Variants in DIAPH3 observed in about 807,000 individuals in gnomAD.
The protein encoded by DIAPH3 is protein diaphanous homolog 3.
Under a neutral mutation model 144.3 loss-of-function variants are expected in DIAPH3, and 117 were observed. The observed-to-expected ratio is 0.81, with a 90% CI of 0.70 to 0.95. The LOEUF (loss-of-function observed/expected upper bound fraction) is 0.95, where lower values mean the gene tolerates loss of function less well. Among genes scored for constraint, DIAPH3 ranks in the 40% least tolerant of loss-of-function variants. The pLI is 0.00. For missense variants in DIAPH3, 1,421 were observed against 1,412.7 expected (o/e 1.01, Z -0.09); for synonymous variants, 519 against 488.9 (o/e 1.06, Z -0.81).
intron 23 of DIAPH3, among the ~76,000 whole-genome samples, chr13:59,836,850 T>TA (rs2042067360): frequency 6.6e-6 from 1 of 151,736 alleles, no homozygotes; most frequent in South Asian, 2.1e-4. Flanking sequence ...AAGTGGTTAA[T>TA]AACAAACTTT....
chr13:59,680,265 A>C (rs1368249188), intron 27 of DIAPH3, among the ~76,000 whole-genome samples: 2 of 152,164 alleles, frequency 1.3e-5, no homozygotes, highest in African/African-American at 4.8e-5. Flanking sequence ...CAGGATTTTA[A>C]AAATATTTCA....
chr13:60,105,532 G>T (rs73203942), intron 3 of DIAPH3, among the ~76,000 whole-genome samples: 1 of 152,056 alleles, frequency 6.6e-6, no homozygotes, highest in African/African-American at 2.4e-5. Context: ...CACAACCCAT[G>T]AATCAACTTG....
chr13:59,948,180 G>A (rs1246517967), intron 17 of DIAPH3, among the ~76,000 whole-genome samples: 2 of 152,136 alleles, frequency 1.3e-5, no homozygotes, highest in Non-Finnish European at 2.9e-5. Context: ...CAACCAGGTA[G>A]TCTGATTCCA....
At chr13:59,737,848 T>C (rs1282782879) in intron 27 of DIAPH3, among the ~76,000 whole-genome samples, 1 of 152,140 alleles carries the variant, frequency 6.6e-6, no homozygotes, top group African/African-American at 2.4e-5. Flanking sequence ...CTCAGAAATA[T>C]ACAAGGCCTA....
At chr13:60,028,871 C>T (rs914209828) in intron 5 of DIAPH3, among the ~76,000 whole-genome samples, 1 of 151,974 alleles carries the variant, frequency 6.6e-6, no homozygotes, top group Non-Finnish European at 1.5e-5. Context: ...CCATCCTGGC[C>T]AACATGGTGA....
At position 59,968,029 on chromosome 13, in the gene DIAPH3, G is replaced by C. The variant is rs138578454; in HGVS notation, c.2074+1915C>G. 1.2e-4 allele frequency among the ~76,000 whole-genome samples: 18 copies of C among 152,330 alleles called. 1 individual carries two copies. The East Asian group carries it at 3.3e-3, about 28-fold the overall frequency. ...GACCAGCAGTACAAAGGCAGAGAGA[G>C]ATGGAAATATGGAGTATGCAAAAAA... On this transcript the variant is annotated intron_variant, in intron 17 of 27. Transcript: ENST00000400324.
At chr13:59,963,807 C>A (rs2140514119) in intron 17 of DIAPH3, among the ~76,000 whole-genome samples, 1 of 152,358 alleles carries the variant, frequency 6.6e-6, no homozygotes, top group African/African-American at 2.4e-5. Flanking sequence ...ATCCTCCTGT[C>A]TTGGCCTCCC....
intron 27 of DIAPH3, among the ~76,000 whole-genome samples, chr13:59,745,233 T>C (rs1379430703): frequency 6.6e-6 from 1 of 152,170 alleles, no homozygotes; most frequent in Non-Finnish European, 1.5e-5. Context: ...GGAGATGGAC[T>C]AAAAAACAAC....
At chr13:60,137,303 G>T (rs932858593) in intron 1 of DIAPH3, among the ~76,000 whole-genome samples, 1 of 152,214 alleles carries the variant, frequency 6.6e-6, no homozygotes, top group Non-Finnish European at 1.5e-5. Context: ...TTTAAGCAAT[G>T]CATCAAAACT....
At chr13:60,147,321 G>A (rs1278174266) in intron 1 of DIAPH3, 2 of 152,108 alleles carry the variant, frequency 1.3e-5, no homozygotes, top group Non-Finnish European at 2.9e-5. Context: ...TTAAGTATAG[G>A]AGATTGGGAC....
At chr13:59,983,422 T>C (rs902585364) in intron 13 of DIAPH3, among the ~76,000 whole-genome samples, 6 of 151,702 alleles carry the variant, frequency 4.0e-5, no homozygotes, top group South Asian at 4.1e-4. Context: ...CAGGCTTTAA[T>C]AAAGTTAACA....
At chr13:59,771,965 CTT>C (rs1435176822) in intron 27 of DIAPH3, among the ~76,000 whole-genome samples, 2 of 151,720 alleles carry the variant, frequency 1.3e-5, no homozygotes, top group Admixed American at 6.6e-5. Flanking sequence ...TGTAGAAAAT[CTT>C]TTAAATCTTT....
chr13:59,944,794 A>AGGG (rs36116687), intron 17 of DIAPH3, among the ~76,000 whole-genome samples: 2,175 of 148,020 alleles, frequency 0.015, 39 homozygotes, highest in Middle Eastern at 0.032. Flanking sequence ...TTAGAAAAAA[A>AGGG]GGGGGGGGGC....
chr13:60,106,905 T>C (rs1192199676), intron 3 of DIAPH3, among the ~76,000 whole-genome samples: 1 of 152,172 alleles, frequency 6.6e-6, no homozygotes, highest in Non-Finnish European at 1.5e-5. Context: ...TTAACCAGCC[T>C]GCAATCTTCA....
chr13:60,083,459 G>T (rs1303382710), intron 4 of DIAPH3, among the ~76,000 whole-genome samples: 1 of 151,884 alleles, frequency 6.6e-6, no homozygotes, highest in Non-Finnish European at 1.5e-5. Context: ...TACTTCTTAT[G>T]ATCTTGGTAA....
At chr13:60,102,120 T>C (rs766427866) in intron 3 of DIAPH3, among the ~76,000 whole-genome samples, 3 of 152,206 alleles carry the variant, frequency 2.0e-5, no homozygotes, top group Non-Finnish European at 2.9e-5. Flanking sequence ...TATCTTTCCC[T>C]ACCCAACCAA....
chr13:59,704,737 A>G (rs565037283), intron 27 of DIAPH3, among the ~76,000 whole-genome samples: 1 of 152,362 alleles, frequency 6.6e-6, no homozygotes, highest in East Asian at 1.9e-4. Context: ...AACAGGTTAC[A>G]CCAACAGTCT....
intron 1 of DIAPH3, 39 bp from the exon 2 acceptor site, chr13:60,133,028 A>G: frequency 6.9e-7 from 1 of 1,453,292 alleles, no homozygotes; most frequent in East Asian, 2.3e-5. Context: ...AGTAATTTAT[A>G]ACAGCTTCTT....
In DIAPH3 at chr13:59,993,304, C is replaced by T. The variant is rs141106650; in HGVS notation, c.1015-721G>A. 8.0e-3 allele frequency among the ~76,000 whole-genome samples: 1,209 copies of T among 151,898 alleles called. 24 individuals carry two copies. The highest frequency in any genetic ancestry group is 0.049 in the Admixed American group (745 of 15,206). The stretch of plus-strand genomic sequence containing the variant: ...TTTTTCATCCCTGGCTAAAATATAT[C>T]TTTCATCCTCCAAAATCCATAAAAT... On this transcript the variant is annotated intron_variant, in intron 9 of 27. Transcript: ENST00000400324.
Sources: gnomAD v4.1 joint callset for allele counts (sites outside exome capture counted in the v4.1 genomes callset) on GRCh38, gnomAD v4.1.1 for gene constraint, MANE v1.5 for transcripts, NCBI Gene and HGNC (gene_info 2026-07-23, HGNC 2026-07-21) for gene names.